ARHGAP24: variants seen among roughly 807,000 people sequenced by gnomAD.
ARHGAP24 encodes the protein rho GTPase-activating protein 24.
ARHGAP24 carries 50 observed loss-of-function variants against 76.4 expected under a neutral mutation model. The ratio of observed to expected loss-of-function variants is 0.65; its 90% confidence interval spans 0.52 to 0.83. The LOEUF is 0.83. Ranked by LOEUF, ARHGAP24 falls within the 40% of genes least tolerant of loss-of-function variation. The pLI is 0.00. For missense variants in ARHGAP24, 930 were observed against 914.2 expected, an observed-to-expected ratio of 1.02 and a Z score of -0.22; for synonymous variants, 345 against 323.3, an observed-to-expected ratio of 1.07 and a Z score of -0.72.
intron 2 of ARHGAP24, among the ~76,000 whole-genome samples, chr4:85,653,026 T>C (rs1722004487): frequency 6.6e-6 from 1 of 152,168 alleles, no homozygotes; most frequent in Non-Finnish European, 1.5e-5. Flanking sequence ...TAATATGTAT[T>C]AGTAAATGTA....
chr4:85,598,337 A>G (rs777453545), intron 2 of ARHGAP24, among the ~76,000 whole-genome samples: 21 of 152,144 alleles, frequency 1.4e-4, no homozygotes, highest in Non-Finnish European at 2.5e-4. Context: ...CATTCTAATT[A>G]CTCATTACAT....
chr4:85,676,596 T>C lies in ARHGAP24; in HGVS notation c.181-45289T>C, dbSNP rs1206436194. The stretch of plus-strand genomic sequence containing the variant: ...AGTTAGGAAACTTAAATGTTTGTCT[T>C]GTTTCTCCTATTGTTACCAATGGTC... On this transcript the variant is annotated intron_variant, in intron 2 of 9. Transcript: ENST00000395184. 2.0e-5 allele frequency among the ~76,000 whole-genome samples: 3 copies of C among 152,252 alleles called. 1 individual carries two copies. In the Middle Eastern group the frequency reaches 0.01, roughly 518 times the overall value.
chr4:85,552,918 T>C (rs1726198824), intron 1 of ARHGAP24, among the ~76,000 whole-genome samples: 1 of 152,230 alleles, frequency 6.6e-6, no homozygotes, highest in Non-Finnish European at 1.5e-5. Context: ...TAGTTCCTTC[T>C]GGTGCATTCT....
intron 1 of ARHGAP24, among the ~76,000 whole-genome samples, chr4:85,489,003 A>G (rs1485518798): frequency 6.6e-6 from 1 of 152,160 alleles, no homozygotes; most frequent in Non-Finnish European, 1.5e-5. Context: ...TTCCTTCTAC[A>G]TTCCTTGTAA....
chr4:85,513,844 G>C (rs1014442684), intron 1 of ARHGAP24, among the ~76,000 whole-genome samples: 5 of 152,088 alleles, frequency 3.3e-5, no homozygotes, highest in South Asian at 2.1e-4. Context: ...CCTGGTTCTG[G>C]TTTGCCTGTA....
chr4:85,539,932 C>A (rs978216497), intron 1 of ARHGAP24, among the ~76,000 whole-genome samples: 2 of 152,104 alleles, frequency 1.3e-5, no homozygotes, highest in African/African-American at 4.8e-5. Context: ...GTAGTCCCAG[C>A]AACTTGGGAG....
chr4:85,718,611 A>G (rs1724818133), intron 2 of ARHGAP24, among the ~76,000 whole-genome samples: 2 of 152,138 alleles, frequency 1.3e-5, no homozygotes, highest in South Asian at 4.1e-4. Context: ...CAGTTAAAGG[A>G]CTTTATTTTA....
chr4:85,832,869 T>TACC (rs1730065747), intron 3 of ARHGAP24, among the ~76,000 whole-genome samples: 8 of 152,284 alleles, frequency 5.3e-5, no homozygotes, highest in Admixed American at 4.6e-4. Context: ...AGAAATAGTG[T>TACC]CCTGCTGCTT....
At chr4:85,735,409 T>A (rs986984194) in intron 3 of ARHGAP24, among the ~76,000 whole-genome samples, 10 of 150,678 alleles carry the variant, frequency 6.6e-5, no homozygotes, top group African/African-American at 2.2e-4. Context: ...TCCACCAGAT[T>A]TTTTTTTTAC....
intron 3 of ARHGAP24, among the ~76,000 whole-genome samples, chr4:85,800,044 A>C (rs900710687): frequency 2.0e-5 from 3 of 152,204 alleles, no homozygotes; most frequent in Non-Finnish European, 4.4e-5. Flanking sequence ...CTTCAATTGG[A>C]TCCAGGAACA....
intron 2 of ARHGAP24, among the ~76,000 whole-genome samples, chr4:85,627,513 A>G (rs2086575): frequency 0.33 from 50,031 of 152,046 alleles, 9,283 homozygotes; most frequent in East Asian, 0.84. Flanking sequence ...TAGGCTCCTC[A>G]GTGGTCAGGG....
At chr4:85,929,879 AC>A (rs1243391560) in intron 4 of ARHGAP24, among the ~76,000 whole-genome samples, 1 of 152,116 alleles carries the variant, frequency 6.6e-6, no homozygotes, top group Admixed American at 6.5e-5. Context: ...CAAAAAGTTT[AC>A]CCCCTGGGGG....
At chr4:85,910,501 G>T (rs1489736929) in intron 3 of ARHGAP24, among the ~76,000 whole-genome samples, 1 of 152,262 alleles carries the variant, frequency 6.6e-6, no homozygotes, top group Non-Finnish European at 1.5e-5. Flanking sequence ...CACAGTCAGG[G>T]TGTCCCAACG....
Position 85,783,720 on chromosome 4 carries a change from G to T in ARHGAP24, c.268+61748G>T, listed in dbSNP as rs577034159. On this transcript the variant is annotated intron_variant, in intron 3 of 9. Coordinates refer to ENST00000395184, the MANE Select transcript of ARHGAP24 (RefSeq NM_001025616.3). ...CTAAAGAAAACAGTCACGATTCCAT[G>T]CCAGACTTTATTCTCAAGGAGTGAT... is the stretch of plus-strand genomic sequence containing the variant. 1.1e-4 allele frequency among the ~76,000 whole-genome samples: 17 copies of T among 151,734 alleles called. No individual in the cohort carries two copies. The East Asian group carries it at 3.3e-3, about 29-fold the overall frequency.
chr4:85,532,618 A>G (rs943333710), intron 1 of ARHGAP24, among the ~76,000 whole-genome samples: 2 of 152,178 alleles, frequency 1.3e-5, no homozygotes, highest in Non-Finnish European at 2.9e-5. Flanking sequence ...ATGTTTTGTG[A>G]TCTTTGAAAG....
At chr4:85,789,350 A>G (rs1728010332) in intron 3 of ARHGAP24, among the ~76,000 whole-genome samples, 2 of 152,156 alleles carry the variant, frequency 1.3e-5, no homozygotes, top group East Asian at 1.9e-4. Flanking sequence ...GCAATACTAA[A>G]CAGATCAGGC....
chr4:85,797,958 A>G lies in ARHGAP24; in HGVS notation c.268+75986A>G, dbSNP rs1285542240. Among the ~76,000 whole-genome samples, 5 of 152,320 alleles carry G rather than the reference A, an allele frequency of 3.3e-5. No individual in the cohort carries two copies. The East Asian group carries it at 7.7e-4, about 23-fold the overall frequency. ...CTACAGAATTTACTGCATGCCTTAA[A>G]TGCCTTATATCCTGTTGGGCTTTAT... On this transcript the variant is annotated intron_variant, in intron 3 of 9. Coordinates refer to ENST00000395184, the MANE Select transcript of ARHGAP24 (RefSeq NM_001025616.3).
intron 3 of ARHGAP24, among the ~76,000 whole-genome samples, chr4:85,838,858 G>A (rs1374074877): frequency 6.6e-6 from 1 of 152,038 alleles, no homozygotes; most frequent in Non-Finnish European, 1.5e-5. Context: ...CGCATGGAGG[G>A]CCCACCTTGG....
chr4:85,747,712 C>A (rs865853444), intron 3 of ARHGAP24, among the ~76,000 whole-genome samples: 4 of 149,598 alleles, frequency 2.7e-5, no homozygotes, highest in African/African-American at 1.0e-4. Flanking sequence ...AAAACAAAAA[C>A]AAACAAACAA....
Sources: gnomAD v4.1 joint callset for allele counts (sites outside exome capture counted in the v4.1 genomes callset) on GRCh38, gnomAD v4.1.1 for gene constraint, MANE v1.5 for transcripts, NCBI Gene and HGNC (gene_info 2026-07-23, HGNC 2026-07-21) for gene names.